Variants in DSCAM observed in about 807,000 individuals in gnomAD.
The protein encoded by DSCAM is cell adhesion molecule DSCAM.
A neutral mutation model predicts 217.7 loss-of-function variants in DSCAM; 47 were observed. The ratio of observed to expected loss-of-function variants is 0.22; its 90% CI spans 0.17 to 0.28. DSCAM has a LOEUF of 0.28. Among genes scored for constraint, DSCAM ranks in the 10% least tolerant of loss-of-function variants. DSCAM has a pLI of 1.00. For synonymous variants in DSCAM, 1,056 were observed against 1,015.3 expected, an observed-to-expected ratio of 1.04 and a Z score of -0.76; for missense variants, 2,080 against 2,618.3, an observed-to-expected ratio of 0.79 and a Z score of 4.49.
intron 6 of DSCAM, among the ~76,000 whole-genome samples, chr21:40,342,649 T>TATATATATATA (rs1555907253): frequency 1.5e-4 from 6 of 38,986 alleles, no homozygotes; most frequent in African/African-American, 3.6e-4. Context: ...TATATATATA[T>TATATATATATA]TTTTTTTTTT....
chr21:40,029,146 G>A (rs1243011145), intron 32 of DSCAM, among the ~76,000 whole-genome samples: 2 of 5,016 alleles, frequency 4.0e-4, no homozygotes, highest in Non-Finnish European at 9.9e-4. Flanking sequence ...GGTCAAGGTG[G>A]CTTCCAATTC....
chr21:40,393,454 A>T (rs530504339), intron 3 of DSCAM, among the ~76,000 whole-genome samples: 19 of 152,328 alleles, frequency 1.2e-4, no homozygotes, highest in Admixed American at 5.9e-4. Flanking sequence ...TACTAAATGT[A>T]TATGTTTTTA....
At chr21:40,093,121 G>C (rs1216705213) in intron 21 of DSCAM, among the ~76,000 whole-genome samples, 1 of 152,180 alleles carries the variant, frequency 6.6e-6, no homozygotes, top group Non-Finnish European at 1.5e-5. Flanking sequence ...GGGGTTCCTG[G>C]AAACACTGGA....
chr21:40,432,211 A>T (rs199849172), intron 3 of DSCAM, among the ~76,000 whole-genome samples: 6 of 46,836 alleles, frequency 1.3e-4, no homozygotes, highest in Non-Finnish European at 1.8e-4. Context: ...ATAATAATAA[A>T]AAATAAATAT....
intron 1 of DSCAM, among the ~76,000 whole-genome samples, chr21:40,781,266 C>T (rs754681885): frequency 6.6e-6 from 1 of 152,152 alleles, no homozygotes; most frequent in Non-Finnish European, 1.5e-5. Flanking sequence ...GTGATCTGCC[C>T]ACCTTGGCCT....
chr21:40,181,154 T>C (rs1327985553), intron 14 of DSCAM, among the ~76,000 whole-genome samples: 1 of 152,182 alleles, frequency 6.6e-6, no homozygotes, highest in African/African-American at 2.4e-5. Context: ...TGTCCATGCA[T>C]ACATTTCTGT....
chr21:40,187,893 T>C lies in DSCAM; in HGVS notation c.2648A>G (p.Gln883Arg). The change falls in exon 13 of 33, where the codon CAA (glutamine) becomes CGA (arginine). Residue 883 changes from glutamine (Q) to arginine (R), a missense_variant and splice_region_variant. By Grantham distance (43) the Gln-to-Arg change is conservative. Transcript: ENST00000400454. ...EDRGIIQLTVQEPPDPPEIEI... is the reference protein window; with the variant it reads ...EDRGIIQLTVREPPDPPEIEI... ...CTCTTACGCTATCGTCTTCCTACCT[T>C]GCACTGTGAGCTGAATTATTCCACG... 2 of 1,612,512 alleles carry C rather than the reference T, an allele frequency of 1.2e-6. No individual in the cohort carries two copies. The highest frequency in any genetic ancestry group is 1.1e-5 in the South Asian group (1 of 91,044).
At chr21:40,514,497 T>C (rs1350316024) in intron 3 of DSCAM, among the ~76,000 whole-genome samples, 1 of 151,574 alleles carries the variant, frequency 6.6e-6, no homozygotes, top group African/African-American at 2.4e-5. Context: ...ACCCTGTATT[T>C]TTGGTTGTTT....
At position 40,452,366 on chromosome 21, in the gene DSCAM, C is replaced by A. The variant is rs150420293; in HGVS notation, c.509-83121G>T. Among the ~76,000 whole-genome samples, 34 of 152,030 alleles carry A rather than the reference C, an allele frequency of 2.2e-4. No individual in the cohort carries two copies. In the East Asian group the frequency reaches 2.5e-3, roughly 11 times the overall value. On this transcript the variant is annotated intron_variant, in intron 3 of 32. Coordinates refer to ENST00000400454, the MANE Select transcript of DSCAM (RefSeq NM_001389.5). ...TTCAAATCTGATTTCTGAACAATTA[C>A]ACCTTTTACAAGCTGGTTCAGGAAA...
rs556997461 is a variant in DSCAM at position 40,517,334 on chromosome 21, C to T, written c.509-148089G>A. Among the ~76,000 whole-genome samples, 45 of 150,532 alleles carry T rather than the reference C, an allele frequency of 3.0e-4. No individual in the cohort carries two copies. The South Asian group carries it at 8.9e-3, about 30-fold the overall frequency. On this transcript the variant is annotated intron_variant, in intron 3 of 32. Transcript: ENST00000400454. ...TGTACATATTCACCTTATATACTCT[C>T]TCTGTATATACATATATATATACAC...
intron 3 of DSCAM, among the ~76,000 whole-genome samples, chr21:40,666,210 G>A (rs2090197449): frequency 1.3e-5 from 2 of 152,190 alleles, no homozygotes; most frequent in African/African-American, 4.8e-5. Context: ...GGTGGCCACA[G>A]AAAAGCATTC....
chr21:40,321,742 G>GTGC (rs2074262071), intron 8 of DSCAM, among the ~76,000 whole-genome samples: 2 of 151,576 alleles, frequency 1.3e-5, no homozygotes, highest in South Asian at 4.2e-4. Context: ...TCAGCAGGAT[G>GTGC]TGCTAACTCT....
chr21:40,484,552 A>G (rs1291280525), intron 3 of DSCAM, among the ~76,000 whole-genome samples: 3 of 152,204 alleles, frequency 2.0e-5, no homozygotes. Context: ...ATTTGACTCA[A>G]TGTTCATCTG....
intron 8 of DSCAM, among the ~76,000 whole-genome samples, chr21:40,317,826 C>G (rs973739152): frequency 6.6e-6 from 1 of 152,096 alleles, no homozygotes; most frequent in Non-Finnish European, 1.5e-5. Flanking sequence ...AGCCACCGAG[C>G]CTGGATGTCT....
intron 2 of DSCAM, among the ~76,000 whole-genome samples, chr21:40,706,776 G>T (rs550716840): frequency 2.6e-5 from 4 of 152,282 alleles, no homozygotes; most frequent in South Asian, 2.1e-4. Context: ...CAACCTAAAA[G>T]ATTATTATAA....
At chr21:40,099,287 T>C (rs1041515328) in intron 20 of DSCAM, among the ~76,000 whole-genome samples, 1 of 152,212 alleles carries the variant, frequency 6.6e-6, no homozygotes, top group Non-Finnish European at 1.5e-5. Context: ...CAATAAAATA[T>C]GACTTTTTAT....
intron 19 of DSCAM, among the ~76,000 whole-genome samples, chr21:40,130,025 T>C (rs879407103): frequency 2.5e-4 from 38 of 152,222 alleles, no homozygotes; most frequent in Non-Finnish European, 4.6e-4. Context: ...CTGCTGGCCC[T>C]CTCACATGTA....
intron 3 of DSCAM, among the ~76,000 whole-genome samples, chr21:40,517,404 A>ACACAC (rs2076310968): frequency 6.9e-4 from 100 of 144,774 alleles, no homozygotes; most frequent in African/African-American, 2.4e-3. Flanking sequence ...ACACACAAGC[A>ACACAC]ACACACACAC....
intron 1 of DSCAM, among the ~76,000 whole-genome samples, chr21:40,727,072 C>A (rs903200177): frequency 6.6e-6 from 1 of 152,208 alleles, no homozygotes; most frequent in Non-Finnish European, 1.5e-5. Context: ...CAGTGTCAGG[C>A]ATTCTGTTAC....
Sources: gnomAD v4.1 joint callset for allele counts (sites outside exome capture counted in the v4.1 genomes callset) on GRCh38, gnomAD v4.1.1 for gene constraint, MANE v1.5 for transcripts, NCBI Gene and HGNC (gene_info 2026-07-23, HGNC 2026-07-21) for gene names.